The following KALRN variants were observed in gnomAD, a reference collection of about 807,000 sequenced individuals.
KALRN encodes kalirin RhoGEF kinase, also known as kalirin.
KALRN carries 70 observed loss-of-function variants against 353.7 expected under a neutral mutation model. The ratio of observed to expected loss-of-function variants is 0.20; its 90% confidence interval spans 0.16 to 0.24. The LOEUF (loss-of-function observed/expected upper bound fraction) is 0.24, where lower values mean the gene tolerates loss of function less well. Among genes scored for constraint, KALRN ranks in the 10% least tolerant of loss-of-function variants. The pLI, the probability that KALRN is intolerant of heterozygous loss-of-function variation, is 1.00. For missense variants in KALRN, 2,791 were observed against 3,756.7 expected (o/e 0.74, Z 6.72); for synonymous variants, 1,391 against 1,434.8 (o/e 0.97, Z 0.69).
intron 3 of KALRN, among the ~76,000 whole-genome samples, chr3:124,244,123 T>C (rs912803836): frequency 1.3e-5 from 2 of 152,214 alleles, no homozygotes; most frequent in African/African-American, 4.8e-5. Context: ...AGATATTTCT[T>C]TTACTGGAGA....
At chr3:124,691,310 C>G (rs980238174) in intron 51 of KALRN, among the ~76,000 whole-genome samples, 6 of 152,156 alleles carry the variant, frequency 3.9e-5, no homozygotes, top group Non-Finnish European at 8.8e-5. Flanking sequence ...TGCCTGTAAT[C>G]CCAGCTACTC....
chr3:124,215,809 A>T (rs1162258143), intron 1 of KALRN, among the ~76,000 whole-genome samples: 1 of 152,186 alleles, frequency 6.6e-6, no homozygotes, highest in Non-Finnish European at 1.5e-5. Context: ...ATGAGCAAGT[A>T]ATGGCCAGGT....
At chr3:124,596,835 G>T (rs1385253761) in intron 34 of KALRN, among the ~76,000 whole-genome samples, 1 of 152,142 alleles carries the variant, frequency 6.6e-6, no homozygotes, top group African/African-American at 2.4e-5. Flanking sequence ...ATCAGTTGAG[G>T]CCAGGAGTTC....
At chr3:124,340,052 C>T (rs2081529186) in intron 9 of KALRN, among the ~76,000 whole-genome samples, 1 of 152,164 alleles carries the variant, frequency 6.6e-6, no homozygotes, top group Admixed American at 6.5e-5. Context: ...TCAGCAAATA[C>T]TCTGAGAAGA....
At chr3:124,212,925 A>G (rs9841901) in intron 1 of KALRN, among the ~76,000 whole-genome samples, 10,169 of 151,974 alleles carry the variant, frequency 0.067, 313 homozygotes, top group East Asian at 0.096. Flanking sequence ...ATGTATATTT[A>G]TATTCTTTGC....
chr3:124,273,216 C>T (rs2148962441), intron 5 of KALRN, among the ~76,000 whole-genome samples: 1 of 152,308 alleles, frequency 6.6e-6, no homozygotes, highest in South Asian at 2.1e-4. Context: ...CCCCACATTC[C>T]CCATCTTGGA....
chr3:124,602,657 G>T (rs2076923407), intron 34 of KALRN, among the ~76,000 whole-genome samples: 1 of 152,174 alleles, frequency 6.6e-6, no homozygotes, highest in Admixed American at 6.5e-5. Flanking sequence ...GGGTCTTAAA[G>T]GGTCAGGAGG....
chr3:124,703,748 C>T (rs1009276953), intron 57 of KALRN, among the ~76,000 whole-genome samples: 1 of 152,166 alleles, frequency 6.6e-6, no homozygotes, highest in Non-Finnish European at 1.5e-5. Flanking sequence ...AGCTATCCTC[C>T]CACGCTTGCG....
chr3:124,383,977 G>C (rs1041902774), intron 10 of KALRN, among the ~76,000 whole-genome samples: 3 of 152,128 alleles, frequency 2.0e-5, no homozygotes, highest in African/African-American at 7.2e-5. Flanking sequence ...GTACACCTGA[G>C]TCACCAGCTC....
At chr3:124,712,845 A>G in intron 57 of KALRN, 90 bp from the exon 58 acceptor site, 2 of 816,608 alleles carry the variant, frequency 2.4e-6, no homozygotes, top group South Asian at 1.7e-5. Flanking sequence ...GATCTATCTG[A>G]CCACTTCCCA....
At chr3:124,035,730 C>A (rs750052947) in intron 1 of KALRN, among the ~76,000 whole-genome samples, 1 of 152,258 alleles carries the variant, frequency 6.6e-6, no homozygotes, top group African/African-American at 2.4e-5. Flanking sequence ...GTGTGGCACA[C>A]ATTATCTAAC....
intron 1 of KALRN, among the ~76,000 whole-genome samples, chr3:124,216,948 A>G (rs1033587339): frequency 2.6e-5 from 4 of 152,116 alleles, no homozygotes; most frequent in African/African-American, 9.7e-5. Flanking sequence ...CCCACCAGAG[A>G]CTCATCACCT....
chr3:124,458,216 C>T (rs1171800916), intron 23 of KALRN, among the ~76,000 whole-genome samples: 2 of 137,148 alleles, frequency 1.5e-5, no homozygotes, highest in Non-Finnish European at 3.0e-5. Flanking sequence ...GCAGAGGTTG[C>T]AGTGAGCCGA....
intron 1 of KALRN, among the ~76,000 whole-genome samples, chr3:124,058,865 A>G (rs1389832101): frequency 5.9e-5 from 9 of 152,196 alleles, no homozygotes; most frequent in Admixed American, 4.6e-4. Flanking sequence ...TAAAAAAACT[A>G]TATTATTTCT....
chr3:124,401,714 G>C (rs1320469069), intron 13 of KALRN, among the ~76,000 whole-genome samples: 1 of 151,982 alleles, frequency 6.6e-6, no homozygotes, highest in Non-Finnish European at 1.5e-5. Context: ...TTTTACAAGG[G>C]GTCTTATTCC....
chr3:124,085,256 A>G lies in KALRN; in HGVS notation c.73+51443A>G, dbSNP rs138589074. Among the ~76,000 whole-genome samples, 6 of 152,318 alleles carry G rather than the reference A, an allele frequency of 3.9e-5. No homozygotes were observed. In the East Asian group the frequency reaches 1.2e-3, roughly 29 times the overall value. On this transcript the variant is annotated intron_variant, in intron 1 of 59. Transcript: ENST00000682506. ...CCATTCTTTCCCCATCCATCCTGTAAGTAGCCGCATAATCTTCAACACAAA... is the reference window on the plus strand; with the variant it reads ...CCATTCTTTCCCCATCCATCCTGTAGGTAGCCGCATAATCTTCAACACAAA...
intron 32 of KALRN, among the ~76,000 whole-genome samples, chr3:124,495,961 G>GTATATATA (rs1247326841): frequency 1.1e-4 from 4 of 37,894 alleles, no homozygotes; most frequent in African/African-American, 3.1e-4. Flanking sequence ...GTATGTGTAT[G>GTATATATA]TATGTATATA....
intron 34 of KALRN, among the ~76,000 whole-genome samples, chr3:124,629,387 C>CA (rs369383140): frequency 0.016 from 2,407 of 151,766 alleles, 61 homozygotes; most frequent in African/African-American, 0.054. Flanking sequence ...ACAACAACAA[C>CA]AAAAAAAACT....
intron 33 of KALRN, among the ~76,000 whole-genome samples, chr3:124,533,815 A>G (rs1357102706): frequency 6.6e-6 from 1 of 152,202 alleles, no homozygotes; most frequent in Non-Finnish European, 1.5e-5. Flanking sequence ...TCCCCACTCT[A>G]ACTATGGCCT....
Sources: gnomAD v4.1 joint callset for allele counts (sites outside exome capture counted in the v4.1 genomes callset) on GRCh38, gnomAD v4.1.1 for gene constraint, MANE v1.5 for transcripts, NCBI Gene and HGNC (gene_info 2026-07-23, HGNC 2026-07-21) for gene names.